The following MBD5 variants were observed in gnomAD, a reference collection of about 807,000 sequenced individuals.
The protein encoded by MBD5 is methyl-CpG-binding domain protein 5.
MBD5 carries 13 observed loss-of-function variants against 117.3 expected under a neutral mutation model. The ratio of observed to expected loss-of-function variants is 0.11; its 90% CI spans 0.07 to 0.18. The LOEUF (loss-of-function observed/expected upper bound fraction) is 0.18. MBD5 is among the 10% of genes least tolerant of loss of function. The pLI is 1.00. For missense variants in MBD5, 1,879 were observed against 2,093.8 expected, an observed-to-expected ratio of 0.90 and a Z score of 2.00; for synonymous variants, 727 against 766.4, an observed-to-expected ratio of 0.95 and a Z score of 0.85.
At chr2:148,273,386 G>A (rs1417419124) in intron 3 of MBD5, among the ~76,000 whole-genome samples, 4 of 152,082 alleles carry the variant, frequency 2.6e-5, no homozygotes, top group Non-Finnish European at 5.9e-5. Flanking sequence ...TCATGTAGCT[G>A]GAGGTCACAA....
chr2:148,273,765 C>A (rs1447452558), intron 3 of MBD5, among the ~76,000 whole-genome samples: 1 of 152,144 alleles, frequency 6.6e-6, no homozygotes, highest in East Asian at 1.9e-4. Context: ...TAAACTCTGT[C>A]TTTGCTTCAG....
At position 148,515,298 on chromosome 2, in the gene MBD5, T is replaced by C. The variant is rs1409066452; in HGVS notation, c.*2357T>C. Reference sequence around the variant, plus strand: ...TGAGCTAATTCAGTTTGTGCTTCCCTCCCATTGTATACTTTACATAAGTAG... The same window carrying C: ...TGAGCTAATTCAGTTTGTGCTTCCCCCCCATTGTATACTTTACATAAGTAG... On this transcript the variant is annotated 3_prime_UTR_variant, in exon 14 of 14. Coordinates refer to ENST00000642680, the MANE Select transcript of MBD5 (RefSeq NM_001378120.1). 1 of 152,204 alleles carries C rather than the reference T, an allele frequency of 6.6e-6. No individual in the cohort carries two copies. The highest frequency in any genetic ancestry group is 2.4e-5 in the African/African-American group (1 of 41,448). 9.4% of individuals were successfully genotyped at this position (152,204 alleles called of 1,614,324 possible). A position where few individuals can be genotyped will look rare whatever the true frequency, so the allele number is the denominator to read the frequency against.
intron 12 of MBD5, among the ~76,000 whole-genome samples, chr2:148,504,747 C>T (rs1429660767): frequency 1.3e-5 from 2 of 152,094 alleles, no homozygotes; most frequent in Non-Finnish European, 2.9e-5. Context: ...GCATCAGCCA[C>T]ACAAAGGAAA....
chr2:148,515,522 A>G lies in MBD5; in HGVS notation c.*2581A>G, dbSNP rs1288695067. On this transcript the variant is annotated 3_prime_UTR_variant, in exon 14 of 14. Transcript: ENST00000642680. Reference sequence around the variant, plus strand: ...TAACATTTTTTTAAATGTTGCACCTACTTTACAATTAAAAAATTGGTCACT... The same window carrying G: ...TAACATTTTTTTAAATGTTGCACCTGCTTTACAATTAAAAAATTGGTCACT... 1 of 152,194 alleles carries G rather than the reference A, an allele frequency of 6.6e-6. No homozygotes were observed. The highest frequency in any genetic ancestry group is 1.5e-5 in the Non-Finnish European group (1 of 68,032). The allele number at this position is 152,194 out of a possible 1,614,324, so 9.4% of individuals were successfully genotyped here. A position where few individuals can be genotyped will look rare whatever the true frequency, so the allele number is the denominator to read the frequency against.
chr2:148,149,978 C>T (rs1697597694), intron 1 of MBD5, among the ~76,000 whole-genome samples: 1 of 139,160 alleles, frequency 7.2e-6, no homozygotes, highest in Admixed American at 7.3e-5. Context: ...GCTTTTGTTG[C>T]CATTGCTTTT....
rs1205534293 is a variant in MBD5 at position 148,150,936 on chromosome 2, C to T, written c.-924-27764C>T. Among the ~76,000 whole-genome samples, 489 of 151,810 alleles carry T rather than the reference C, an allele frequency of 3.2e-3. 7 individuals are homozygous for T. Among genetic ancestry groups the T allele is most frequent in the African/African-American group, 0.011 (466 of 41,340 alleles). On this transcript the variant is annotated intron_variant, in intron 1 of 13. Coordinates refer to ENST00000642680, the MANE Select transcript of MBD5 (RefSeq NM_001378120.1). ...TTCCTAATTGAATACCCTTTATTTC[C>T]TTCTCCTGCCTGATTGCCCTGGCCA... is the stretch of plus-strand genomic sequence containing the variant.
chr2:148,229,653 A>C (rs941832488), intron 2 of MBD5, among the ~76,000 whole-genome samples: 4 of 152,150 alleles, frequency 2.6e-5, no homozygotes, highest in Non-Finnish European at 5.9e-5. Context: ...GGCTTTCCAG[A>C]TATTCAAAAG....
rs537766782 is a variant in MBD5, at chr2:148,458,341, C to T, written c.-418C>T. The T allele has an allele frequency of 7.0e-6, 3 of 426,416 alleles. No individual in the cohort carries two copies. The Admixed American group carries it at 1.2e-4, about 17-fold the overall frequency. 26.4% of individuals were successfully genotyped at this position (426,416 alleles called of 1,614,324 possible). A position where few individuals can be genotyped will look rare whatever the true frequency, so the allele number is the denominator to read the frequency against. The stretch of plus-strand genomic sequence containing the variant: ...GGGTACCTGGAAATATTAACCGACT[C>T]ACACTGTAAAAATGAGACCAGTTTC... On this transcript the variant is annotated 5_prime_UTR_variant, in exon 5 of 14. Transcript: ENST00000642680.
Position 148,502,465 on chromosome 2 carries a change from A to T in MBD5, c.4992A>T (p.Thr1664=), listed in dbSNP as rs766101231. ...AGCCCGAGAAGTTGAAGACACTAACAGAAGGTTTGGAAGCCTACAGCCGTG... is the reference window on the plus strand; with the variant it reads ...AGCCCGAGAAGTTGAAGACACTAACTGAAGGTTTGGAAGCCTACAGCCGTG... ...KVEPEKLKTL[T]EGLEAYSRVR... Residue 1664 remains threonine, a synonymous_variant, in exon 12 of 14, where the codon ACA becomes ACT. Coordinates refer to ENST00000642680, the MANE Select transcript of MBD5 (RefSeq NM_001378120.1). 1 of 1,614,114 alleles carries T rather than the reference A, an allele frequency of 6.2e-7. No individual in the cohort carries two copies.
chr2:148,129,195 A>C (rs559044831), intron 1 of MBD5, among the ~76,000 whole-genome samples: 1 of 152,276 alleles, frequency 6.6e-6, no homozygotes, highest in East Asian at 1.9e-4. Flanking sequence ...GGAACTTCTT[A>C]AGCAAAATAG....
At chr2:148,257,349 C>T (rs78714825) in intron 3 of MBD5, among the ~76,000 whole-genome samples, 19,285 of 152,260 alleles carry the variant, frequency 0.13, 1,484 homozygotes, top group Non-Finnish European at 0.18. Context: ...ATCAATGGAA[C>T]GGTTTTATCA....
chr2:148,143,679 A>G (rs182972108), intron 1 of MBD5, among the ~76,000 whole-genome samples: 2 of 152,092 alleles, frequency 1.3e-5, no homozygotes, highest in East Asian at 1.9e-4. Context: ...TTCAATTCCA[A>G]CCTATGAATG....
intron 1 of MBD5, among the ~76,000 whole-genome samples, chr2:148,022,704 T>C (rs1166211987): frequency 1.3e-5 from 2 of 152,214 alleles, no homozygotes; most frequent in African/African-American, 2.4e-5. Flanking sequence ...CTGAACCAAA[T>C]TGCCCACTGT....
At chr2:148,072,456 A>G (rs1000013508) in intron 1 of MBD5, among the ~76,000 whole-genome samples, 1 of 152,192 alleles carries the variant, frequency 6.6e-6, no homozygotes, top group African/African-American at 2.4e-5. Context: ...CAAATTCTCT[A>G]TGTATATAAG....
Position 148,227,876 on chromosome 2 carries a change from A to G in MBD5, c.-830-5369A>G, listed in dbSNP as rs962117229. 1.1e-4 allele frequency among the ~76,000 whole-genome samples: 17 copies of G among 152,286 alleles called. 1 individual carries two copies. The highest frequency in any genetic ancestry group is 3.9e-4 in the African/African-American group (16 of 41,550). ...TAGGTATTTTATTCTCTTTGAAGCA[A>G]TTATGAATGGGAGTTCACTCATGAT... On this transcript the variant is annotated intron_variant, in intron 2 of 13. Transcript: ENST00000642680.
chr2:148,102,755 GA>G, intron 1 of MBD5, among the ~76,000 whole-genome samples: 3 of 111,004 alleles, frequency 2.7e-5, no homozygotes, highest in Non-Finnish European at 4.1e-5. Context: ...GAGAGAGAGA[GA>G]GAGAGGAAGA....
intron 2 of MBD5, among the ~76,000 whole-genome samples, chr2:148,195,960 A>T (rs1698976133): frequency 1.3e-5 from 2 of 152,320 alleles, no homozygotes; most frequent in African/African-American, 4.8e-5. Flanking sequence ...GGCAACAACA[A>T]GGAAATAACA....
At chr2:148,328,099 C>T (rs1273248526) in intron 3 of MBD5, among the ~76,000 whole-genome samples, 2 of 152,066 alleles carry the variant, frequency 1.3e-5, no homozygotes, top group African/African-American at 2.4e-5. Flanking sequence ...AGTACCCGGC[C>T]GTGTGAGGTG....
chr2:148,428,165 A>G (rs1324212443), intron 4 of MBD5, among the ~76,000 whole-genome samples: 4 of 152,216 alleles, frequency 2.6e-5, no homozygotes, highest in Admixed American at 6.5e-5. Flanking sequence ...TACAAAATCA[A>G]TGTGCAAAAA....
Sources: gnomAD v4.1 joint callset for allele counts (sites outside exome capture counted in the v4.1 genomes callset) on GRCh38, gnomAD v4.1.1 for gene constraint, MANE v1.5 for transcripts, NCBI Gene and HGNC (gene_info 2026-07-23, HGNC 2026-07-21) for gene names.